The following PCSK1 variants were observed in gnomAD, a reference collection of about 807,000 sequenced individuals.
PCSK1 encodes the protein proprotein convertase subtilisin/kexin type 1, also known as neuroendocrine convertase 1.
In PCSK1, 56 loss-of-function variants were observed where a neutral mutation model predicts 90.6. The observed-to-expected ratio is 0.62, with a 90% confidence interval of 0.50 to 0.77. PCSK1 has a LOEUF of 0.77. Among genes scored for constraint, PCSK1 ranks in the 30% least tolerant of loss-of-function variants. The pLI, the probability that PCSK1 is intolerant of heterozygous loss-of-function variation, is 0.00. For synonymous variants in PCSK1, 348 were observed against 342.4 expected (o/e 1.02, Z -0.18); for missense variants, 801 against 932.6 (o/e 0.86, Z 1.84).
Position 96,421,797 on chromosome 5 carries a change from G to A in PCSK1, c.620+83C>T, listed in dbSNP as rs907306382. On this transcript the variant is annotated intron_variant, in intron 5 of 13. Transcript: ENST00000311106. ...AACATTTCCTGAGCACTGGAATGTG[G>A]ATGAAATATATGGTATAATTTTCTC... The A allele has an allele frequency of 4.8e-6, 4 of 828,430 alleles. No homozygotes were observed. In the African/African-American group the frequency reaches 6.7e-5, roughly 14 times the overall value. The allele number at this position is 828,430 out of a possible 1,614,324, so 51.3% of individuals were successfully genotyped here. A position where few individuals can be genotyped will look rare whatever the true frequency, so the allele number is the denominator to read the frequency against.
chr5:96,400,928 A>G, intron 9 of PCSK1, among the ~76,000 whole-genome samples: 1 of 151,538 alleles, frequency 6.6e-6, no homozygotes, highest in African/African-American at 2.4e-5. Flanking sequence ...TCTACTAAAA[A>G]TACAAAAAAT....
intron 13 of PCSK1, among the ~76,000 whole-genome samples, 180 bp from the exon 14 acceptor site, chr5:96,393,558 T>C (rs1022377143): frequency 5.6e-4 from 86 of 152,264 alleles, no homozygotes; most frequent in African/African-American, 1.9e-3. Flanking sequence ...GCCTACCCTC[T>C]GGGGTACCTT....
intron 12 of PCSK1, among the ~76,000 whole-genome samples, chr5:96,395,529 A>G (rs1283544927): frequency 6.6e-6 from 1 of 152,230 alleles, no homozygotes; most frequent in Non-Finnish European, 1.5e-5. Context: ...ATTCTCAGCA[A>G]ACCAACACAG....
chr5:96,418,014 A>G (rs866709752), intron 5 of PCSK1, among the ~76,000 whole-genome samples: 1 of 152,234 alleles, frequency 6.6e-6, no homozygotes, highest in Non-Finnish European at 1.5e-5. Context: ...AACAGAATCA[A>G]TCTGCTGACA....
At chr5:96,417,172 TA>T in intron 5 of PCSK1, among the ~76,000 whole-genome samples, 1 of 152,314 alleles carries the variant, frequency 6.6e-6, no homozygotes, top group African/African-American at 2.4e-5. Flanking sequence ...GCATGGAATA[TA>T]AAATTCCTAA....
Position 96,432,990 on chromosome 5 carries a change from G to T in PCSK1, c.53C>A (p.Ala18Asp). 1 of 1,614,220 alleles carries T rather than the reference G, an allele frequency of 6.2e-7. No homozygotes were observed. The highest frequency in any genetic ancestry group is 8.5e-7 in the Non-Finnish European group (1 of 1,180,014). ...LQCTAFVLFCAWCALNSAKAK... is the reference protein window; with the variant it reads ...LQCTAFVLFCDWCALNSAKAK... ...TTTTGCACTGTTCAGTGCACACCAAGCGCAAAAGAGGACGAAAGCAGTGCA... is the reference window on the plus strand; with the variant it reads ...TTTTGCACTGTTCAGTGCACACCAATCGCAAAAGAGGACGAAAGCAGTGCA... The change falls in exon 1 of 14, where the codon GCT becomes GAT. Residue 18 changes from alanine (A) to aspartate (D), a missense_variant. By Grantham distance (126) the Ala-to-Asp change is moderately radical. Transcript: ENST00000311106.
Position 96,423,301 on chromosome 5 carries a change from G to T in PCSK1, c.543+12C>A. 4 of 1,601,968 alleles carry T rather than the reference G, an allele frequency of 2.5e-6. No individual in the cohort carries two copies. The highest frequency in any genetic ancestry group is 3.4e-6 in the Non-Finnish European group (4 of 1,173,194). On this transcript the variant is annotated intron_variant, in intron 4 of 13. Coordinates refer to ENST00000311106, the MANE Select transcript of PCSK1 (RefSeq NM_000439.5). The stretch of plus-strand genomic sequence containing the variant: ...CTCCCTAAGTCACAGTCATGAGAAG[G>T]CACACACTTACATAGTTGGCATAAA...
intron 9 of PCSK1, among the ~76,000 whole-genome samples, chr5:96,407,650 G>A (rs368678963): frequency 2.6e-5 from 4 of 152,182 alleles, no homozygotes; most frequent in African/African-American, 9.6e-5. Flanking sequence ...TGACAATGGT[G>A]TTTAAGCATG....
intron 1 of PCSK1, among the ~76,000 whole-genome samples, chr5:96,431,584 G>C (rs939929099): frequency 4.6e-5 from 7 of 152,174 alleles, no homozygotes; most frequent in Non-Finnish European, 1.0e-4. Flanking sequence ...GAGGGCAAGG[G>C]CTGGCCAAAA....
intron 2 of PCSK1, 50 bp from the exon 3 acceptor site, chr5:96,425,980 G>T: frequency 9.9e-7 from 1 of 1,014,772 alleles, no homozygotes. Context: ...ATCTACCTCT[G>T]TATACTTCCT....
At chr5:96,410,265 C>T (rs1419959940) in intron 8 of PCSK1, among the ~76,000 whole-genome samples, 3 of 152,142 alleles carry the variant, frequency 2.0e-5, no homozygotes, top group Non-Finnish European at 4.4e-5. Context: ...TACCCAGATG[C>T]TGAGCAGTTC....
intron 6 of PCSK1, among the ~76,000 whole-genome samples, chr5:96,412,752 G>GTTTTTTTTTTGTTGTTTTT (rs566921725): frequency 5.6e-5 from 4 of 71,832 alleles, no homozygotes; most frequent in African/African-American, 2.7e-4. Flanking sequence ...CAGCTGTGAT[G>GTTTTTTTTTTGTTGTTTTT]TTTTTTTTTT....
chr5:96,430,650 G>C (rs1373852854), intron 1 of PCSK1, among the ~76,000 whole-genome samples: 1 of 152,120 alleles, frequency 6.6e-6, no homozygotes, highest in Non-Finnish European at 1.5e-5. Flanking sequence ...AACAAAAAGA[G>C]AAATAAGCAG....
At chr5:96,398,421 A>T (rs1196790749) in intron 11 of PCSK1, among the ~76,000 whole-genome samples, 10 of 152,244 alleles carry the variant, frequency 6.6e-5, no homozygotes, top group Admixed American at 6.5e-4. Context: ...ATCATATAAA[A>T]TGGCCTTATT....
intron 7 of PCSK1, among the ~76,000 whole-genome samples, 176 bp from the exon 8 acceptor site, chr5:96,411,162 T>C (rs974110481): frequency 1.3e-5 from 2 of 152,252 alleles, no homozygotes; most frequent in African/African-American, 4.8e-5. Flanking sequence ...GGCTGTGTAT[T>C]ATAAGCCACT....
In PCSK1 at chr5:96,399,056, A is replaced by G; in HGVS notation, c.1431-20T>C. 2.5e-6 allele frequency: 4 copies of G among 1,576,416 alleles called. No homozygotes were observed. Among genetic ancestry groups the G allele is most frequent in the East Asian group, 4.5e-5 (2 of 44,368 alleles). ...AGGGCTCTAAATACATTAAAGAATC[A>G]GCATTGAATAAAGTATATCCAAACT... On this transcript the variant is annotated intron_variant, in intron 10 of 13. Coordinates refer to ENST00000311106, the MANE Select transcript of PCSK1 (RefSeq NM_000439.5).
At chr5:96,393,447 A>C (rs1580741768) in intron 13 of PCSK1, 69 bp from the exon 14 acceptor site, 3 of 1,575,070 alleles carry the variant, frequency 1.9e-6, no homozygotes, top group Non-Finnish European at 8.7e-7. Context: ...GCTAGTTGCA[A>C]CCCTACCACA....
intron 6 of PCSK1, among the ~76,000 whole-genome samples, chr5:96,413,290 C>T (rs1760831156): frequency 6.6e-6 from 1 of 152,158 alleles, no homozygotes; most frequent in African/African-American, 2.4e-5. Flanking sequence ...AACAGGCTGT[C>T]ACCCGTCATC....
At chr5:96,428,077 T>A (rs1017740777) in intron 2 of PCSK1, among the ~76,000 whole-genome samples, 34 of 152,196 alleles carry the variant, frequency 2.2e-4, no homozygotes, top group African/African-American at 7.5e-4. Flanking sequence ...TTGTTTCTTT[T>A]ACATTCGAAC....
Sources: allele counts gnomAD v4.1 joint callset (sites outside exome capture counted in the v4.1 genomes callset), GRCh38; gene constraint gnomAD v4.1.1; transcripts MANE v1.5; gene names NCBI Gene and HGNC (gene_info 2026-07-23, HGNC 2026-07-21).